Variants in WIPF3 observed in about 807,000 individuals in gnomAD.
WIPF3 encodes the protein WAS/WASL interacting protein family member 3, also known as WAS/WASL-interacting protein family member 3.
In WIPF3, 33 loss-of-function variants were observed where a neutral mutation model predicts 38.9. The observed-to-expected ratio is 0.85, with a 90% CI of 0.64 to 1.14. The LOEUF is 1.14. Ranked by LOEUF, WIPF3 falls within the 50% of genes most tolerant of loss-of-function variation. WIPF3 has a pLI of 0.00. For missense variants in WIPF3, 711 were observed against 652.5 expected (o/e 1.09, Z -0.98); for synonymous variants, 324 against 269.3 (o/e 1.20, Z -1.99).
chr7:29,827,987 T>C (rs1030182628), intron 1 of WIPF3, among the ~76,000 whole-genome samples: 1 of 152,096 alleles, frequency 6.6e-6, no homozygotes, highest in Admixed American at 6.6e-5. Flanking sequence ...TTTGTAGAGA[T>C]GGGATTTTGC....
At chr7:29,839,396 G>T (rs534541054) in intron 2 of WIPF3, among the ~76,000 whole-genome samples, 21 of 152,330 alleles carry the variant, frequency 1.4e-4, no homozygotes, top group African/African-American at 5.1e-4. Context: ...CTCAGGGTCA[G>T]AAGTATCACC....
At chr7:29,848,337 G>A (rs1248406819) in intron 2 of WIPF3, among the ~76,000 whole-genome samples, 2 of 152,180 alleles carry the variant, frequency 1.3e-5, no homozygotes, top group East Asian at 1.9e-4. Flanking sequence ...CCGTTGGTTC[G>A]TCATTTCACA....
At chr7:29,849,034 T>G (rs1163880874) in intron 2 of WIPF3, among the ~76,000 whole-genome samples, 1 of 152,178 alleles carries the variant, frequency 6.6e-6, no homozygotes, top group Non-Finnish European at 1.5e-5. Flanking sequence ...GATCAAATAT[T>G]ATATGCTTTT....
intron 7 of WIPF3, among the ~76,000 whole-genome samples, chr7:29,898,303 A>G (rs1786197634): frequency 6.6e-6 from 1 of 152,120 alleles, no homozygotes; most frequent in African/African-American, 2.4e-5. Context: ...CTACTCCTGC[A>G]TCCAACTTAC....
chr7:29,869,126 T>C (rs1171051648), intron 2 of WIPF3, among the ~76,000 whole-genome samples: 1 of 151,996 alleles, frequency 6.6e-6, no homozygotes, highest in East Asian at 1.9e-4. Context: ...GCCTCCCGGG[T>C]TCAAGAGATT....
intron 1 of WIPF3, among the ~76,000 whole-genome samples, chr7:29,811,504 A>C (rs1485260971): frequency 6.6e-6 from 1 of 152,132 alleles, no homozygotes; most frequent in Non-Finnish European, 1.5e-5. Flanking sequence ...GGGAGTAAAA[A>C]TTTGCCAGAG....
At chr7:29,888,354 G>C in intron 6 of WIPF3, 137 bp downstream of exon 6, 1 of 1,121,674 alleles carries the variant, frequency 8.9e-7, no homozygotes. Context: ...GCTCACTCCA[G>C]CACCAACCAG....
intron 7 of WIPF3, among the ~76,000 whole-genome samples, chr7:29,898,177 C>T (rs1308956541): frequency 2.0e-5 from 3 of 152,132 alleles, no homozygotes; most frequent in African/African-American, 7.2e-5. Context: ...CTTTCTGAAA[C>T]ACTTCTTCAT....
In WIPF3 at chr7:29,834,534, A is replaced by C; in HGVS notation, c.-57-134A>C. The C allele has an allele frequency of 4.7e-6, 4 of 847,900 alleles. No individual in the cohort carries two copies. The South Asian group carries it at 1.0e-4, about 22-fold the overall frequency. 52.5% of individuals were successfully genotyped at this position (847,900 alleles called of 1,614,324 possible). Reference sequence around the variant, plus strand: ...AGAGTGGGCACTCTGTGAATAAATGAATGAACAAATGAGTGAATGAATGAA... The same window carrying C: ...AGAGTGGGCACTCTGTGAATAAATGCATGAACAAATGAGTGAATGAATGAA... On this transcript the variant is annotated intron_variant, in intron 1 of 8. Transcript: ENST00000242140.
rs556327833 is a variant in WIPF3, at chr7:29,813,362, A to G, written c.-58+6684A>G. Among the ~76,000 whole-genome samples the G allele has an allele frequency of 5.3e-4, 80 of 152,276 alleles. 1 individual carries two copies. The highest frequency in any genetic ancestry group is 1.8e-3 in the African/African-American group (75 of 41,554). On this transcript the variant is annotated intron_variant, in intron 1 of 8. Transcript: ENST00000242140. ...CCTCTCTTTAAAAACCTACAAAATA[A>G]GGTCCAAAAGCCCAGCATTTGACAG...
At chr7:29,829,547 T>C (rs1784683148) in intron 1 of WIPF3, among the ~76,000 whole-genome samples, 1 of 152,192 alleles carries the variant, frequency 6.6e-6, no homozygotes, top group African/African-American at 2.4e-5. Context: ...TAGTTATTTG[T>C]AGTGGTGATG....
At chr7:29,880,849 G>T (rs1049502391) in intron 4 of WIPF3, among the ~76,000 whole-genome samples, 1 of 152,176 alleles carries the variant, frequency 6.6e-6, no homozygotes, top group Non-Finnish European at 1.5e-5. Context: ...AAGGCAGGCC[G>T]TGGCTCCCTG....
intron 2 of WIPF3, 112 bp downstream of exon 2, chr7:29,834,926 G>A (rs1784776915): frequency 7.5e-7 from 1 of 1,328,242 alleles, no homozygotes; most frequent in African/African-American, 1.5e-5. Context: ...CCTGTGGCAG[G>A]TGGCATCTTA....
rs11337399 is a variant in WIPF3 at position 29,886,347 on chromosome 7, CTTTTTTTT to C, written c.1100-1701_1100-1694del. ...TTATGATGTGATGAAAAAGACAAAGCTTTTTTTTTTTTTTTTTTTTTTTTTTTGAGACA... is the reference window on the plus strand; with the variant it reads ...TTATGATGTGATGAAAAAGACAAAGCTTTTTTTTTTTTTTTTTTTGAGACA... On this transcript the variant is annotated intron_variant, in intron 5 of 8. Coordinates refer to ENST00000242140, the MANE Select transcript of WIPF3 (RefSeq NM_001080529.3). Among the ~76,000 whole-genome samples, 136 of 46,586 alleles carry C rather than the reference CTTTTTTTT, an allele frequency of 2.9e-3. 1 individual carries two copies. The highest frequency in any genetic ancestry group is 0.02 in the Middle Eastern group (1 of 50). The allele number at this position is 46,586 out of a possible 152,430, so 30.6% of individuals were successfully genotyped here.
chr7:29,828,925 G>A (rs1784670882), intron 1 of WIPF3, among the ~76,000 whole-genome samples: 2 of 152,316 alleles, frequency 1.3e-5, no homozygotes, highest in Non-Finnish European at 2.9e-5. Flanking sequence ...ATGCTTGCAG[G>A]GTAGCTGAGT....
intron 2 of WIPF3, among the ~76,000 whole-genome samples, chr7:29,848,231 C>T (rs1206926632): frequency 6.6e-6 from 1 of 152,266 alleles, no homozygotes; most frequent in Admixed American, 6.5e-5. Flanking sequence ...AACAAATACA[C>T]GAAGATCCGG....
At chr7:29,832,087 T>C (rs895583571) in intron 1 of WIPF3, among the ~76,000 whole-genome samples, 1 of 152,230 alleles carries the variant, frequency 6.6e-6, no homozygotes, top group African/African-American at 2.4e-5. Context: ...AGGGGAAGCA[T>C]TTCTGTCTCC....
chr7:29,808,539 G>A (rs562273031), intron 1 of WIPF3, among the ~76,000 whole-genome samples: 2 of 152,300 alleles, frequency 1.3e-5, no homozygotes, highest in African/African-American at 4.8e-5. Context: ...CACCTGAATC[G>A]GGGCAGAGCG....
intron 2 of WIPF3, among the ~76,000 whole-genome samples, chr7:29,864,168 T>G (rs1237090775): frequency 2.0e-5 from 3 of 152,216 alleles, no homozygotes; most frequent in African/African-American, 4.8e-5. Flanking sequence ...TTTTGTTTAT[T>G]TTTTTAAATC....
Sources: allele counts gnomAD v4.1 joint callset (sites outside exome capture counted in the v4.1 genomes callset), GRCh38; gene constraint gnomAD v4.1.1; transcripts MANE v1.5; gene names NCBI Gene and HGNC (gene_info 2026-07-23, HGNC 2026-07-21).